PSMB2: variants seen among roughly 807,000 people sequenced by gnomAD.
PSMB2 encodes proteasome 20S subunit beta 2.
In PSMB2, 13 loss-of-function variants were observed where a neutral mutation model predicts 25.7. That is an observed-to-expected ratio of 0.51 (90% CI 0.33 to 0.80). The LOEUF is 0.80. PSMB2 is among the 30% of genes least tolerant of loss of function. PSMB2 has a pLI of 0.02. For missense variants in PSMB2, 202 were observed against 259.0 expected (o/e 0.78, Z 1.51); for synonymous variants, 87 against 96.2 (o/e 0.90, Z 0.56).
intron 3 of PSMB2, among the ~76,000 whole-genome samples, chr1:35,612,037 C>T (rs1489988798): frequency 6.6e-6 from 1 of 151,822 alleles, no homozygotes; most frequent in African/African-American, 2.4e-5. Flanking sequence ...GGGTTCCTAA[C>T]ATCGCCTGGA....
Position 35,641,475 on chromosome 1 carries a change from A to G in PSMB2, c.-43T>C, listed in dbSNP as rs756841240. 1 of 1,612,764 alleles carries G rather than the reference A, an allele frequency of 6.2e-7. No individual in the cohort carries two copies. The highest frequency in any genetic ancestry group is 1.7e-5 in the Admixed American group (1 of 59,890). ...GGCTGCAGGTCCGACACAGCACGAGACTCGCCCGCTTCCAGGTCTCACCGG... is the reference window on the plus strand; with the variant it reads ...GGCTGCAGGTCCGACACAGCACGAGGCTCGCCCGCTTCCAGGTCTCACCGG... On this transcript the variant is annotated 5_prime_UTR_variant, in exon 1 of 6. Coordinates refer to ENST00000373237, the MANE Select transcript of PSMB2 (RefSeq NM_002794.5).
intron 3 of PSMB2, among the ~76,000 whole-genome samples, chr1:35,624,798 C>T (rs917237691): frequency 3.3e-5 from 5 of 151,934 alleles, no homozygotes; most frequent in Admixed American, 2.0e-4. Context: ...CACGGTGGCT[C>T]ACGCCTGTAA....
Position 35,617,227 on chromosome 1 carries a change from T to C in PSMB2, c.286-7819A>G, listed in dbSNP as rs1016549185. Among the ~76,000 whole-genome samples the C allele has an allele frequency of 2.6e-5, 4 of 152,176 alleles. No homozygotes were observed. In the East Asian group the frequency reaches 7.7e-4, roughly 29 times the overall value. ...CCACGCCAGGCTAATTTTGTATTTT[T>C]AGTAGAGACAGGGTTTCACCGTGTT... On this transcript the variant is annotated intron_variant, in intron 3 of 5. Transcript: ENST00000373237.
At chr1:35,610,662 A>G (rs11589428) in intron 3 of PSMB2, among the ~76,000 whole-genome samples, 5,596 of 151,834 alleles carry the variant, frequency 0.037, 148 homozygotes, top group Middle Eastern at 0.065. Context: ...CACCCGGCTA[A>G]TTTTCGTATT....
At position 35,600,353 on chromosome 1, in the gene PSMB2, T is replaced by C. The variant is rs191970056; in HGVS notation, c.*2914A>G. On this transcript the variant is annotated 3_prime_UTR_variant, in exon 6 of 6. Coordinates refer to ENST00000373237, the MANE Select transcript of PSMB2 (RefSeq NM_002794.5). ...CTGAATAAAGCCTGGAGCTTAGTAA[T>C]ACTAATACACCAACCAATGTTGGTT... 2.4e-6 allele frequency: 2 copies of C among 850,534 alleles called. No individual in the cohort carries two copies. The highest frequency in any genetic ancestry group is 6.2e-5 in the Admixed American group (1 of 16,116). The allele number at this position is 850,534 out of a possible 1,614,324, so 52.7% of individuals were successfully genotyped here.
intron 3 of PSMB2, among the ~76,000 whole-genome samples, chr1:35,611,849 G>T (rs967758463): frequency 1.3e-5 from 2 of 151,662 alleles, no homozygotes; most frequent in Non-Finnish European, 2.9e-5. Context: ...GAGAGAGAGA[G>T]AGAGAGAGAT....
chr1:35,634,085 G>A (rs947404101), intron 2 of PSMB2, among the ~76,000 whole-genome samples: 1 of 152,142 alleles, frequency 6.6e-6, no homozygotes, highest in African/African-American at 2.4e-5. Flanking sequence ...GTGGATAAGA[G>A]TTCATTAGCC....
Position 35,625,990 on chromosome 1 carries a change from C to T in PSMB2, c.285+5284G>A, listed in dbSNP as rs557816878. The stretch of plus-strand genomic sequence containing the variant: ...TAACTGGGATTACAGGTGTGTGCCA[C>T]CACATCTGGCTAATTTTTTGTATTT... On this transcript the variant is annotated intron_variant, in intron 3 of 5. Coordinates refer to ENST00000373237, the MANE Select transcript of PSMB2 (RefSeq NM_002794.5). 1.3e-4 allele frequency among the ~76,000 whole-genome samples: 19 copies of T among 151,994 alleles called. 1 individual carries two copies. In the East Asian group the frequency reaches 3.0e-3, roughly 24 times the overall value.
At chr1:35,609,475 TGA>T (rs1434432224) in intron 3 of PSMB2, 67 bp from the exon 4 acceptor site, 1 of 1,301,814 alleles carries the variant, frequency 7.7e-7, no homozygotes, top group Non-Finnish European at 1.0e-6. Context: ...CCATGGCAAA[TGA>T]GAATATTCTG....
chr1:35,615,552 T>C (rs1406676239), intron 3 of PSMB2, among the ~76,000 whole-genome samples: 2 of 152,152 alleles, frequency 1.3e-5, no homozygotes, highest in African/African-American at 4.8e-5. Flanking sequence ...ATAAATACAC[T>C]GAAACAACAA....
intron 3 of PSMB2, among the ~76,000 whole-genome samples, chr1:35,612,085 T>C (rs572043387): frequency 6.6e-6 from 1 of 152,322 alleles, no homozygotes; most frequent in South Asian, 2.1e-4. Flanking sequence ...TAAGTTTCTG[T>C]TTTAGTGATA....
intron 3 of PSMB2, among the ~76,000 whole-genome samples, chr1:35,630,458 TG>T (rs1429231348): frequency 1.3e-5 from 2 of 152,212 alleles, no homozygotes; most frequent in Non-Finnish European, 2.9e-5. Context: ...AGTAGGTGAA[TG>T]GATAAATAAC....
chr1:35,623,889 T>G (rs1650771064), intron 3 of PSMB2, among the ~76,000 whole-genome samples: 1 of 152,154 alleles, frequency 6.6e-6, no homozygotes, highest in Admixed American at 6.5e-5. Context: ...AAAGTCAGGG[T>G]TTCACCTGGG....
chr1:35,632,831 C>A (rs1453886085), intron 2 of PSMB2, among the ~76,000 whole-genome samples: 1 of 151,922 alleles, frequency 6.6e-6, no homozygotes, highest in Non-Finnish European at 1.5e-5. Flanking sequence ...GAATTCGAGG[C>A]TGCAATGAGC....
intron 3 of PSMB2, among the ~76,000 whole-genome samples, chr1:35,613,377 G>GA (rs749433885): frequency 0.019 from 2,682 of 139,918 alleles, 59 homozygotes; most frequent in African/African-American, 0.061. Context: ...GTCTCTATGG[G>GA]AAAAAAAAAA....
At chr1:35,630,423 C>G (rs1052664904) in intron 3 of PSMB2, among the ~76,000 whole-genome samples, 2 of 152,160 alleles carry the variant, frequency 1.3e-5, no homozygotes, top group Non-Finnish European at 2.9e-5. Flanking sequence ...ATTGCCAAAA[C>G]TTGGAAGCAA....
intron 2 of PSMB2, 104 bp from the exon 3 acceptor site, chr1:35,631,448 A>G: frequency 6.4e-7 from 1 of 1,553,686 alleles, no homozygotes; most frequent in Non-Finnish European, 8.7e-7. Context: ...TCTTTTGTAC[A>G]CTCAGAGTAA....
chr1:35,616,897 T>G (rs1346068318), intron 3 of PSMB2, among the ~76,000 whole-genome samples: 1 of 152,202 alleles, frequency 6.6e-6, no homozygotes, highest in Non-Finnish European at 1.5e-5. Flanking sequence ...ATATGTGAAT[T>G]GGAATCCACT....
rs754818837 is a variant in PSMB2, at chr1:35,605,267, C to T, written c.464G>A (p.Arg155Lys). 6.2e-7 allele frequency: 1 copy of T among 1,613,198 alleles called. No individual in the cohort carries two copies. The highest frequency in any genetic ancestry group is 8.5e-7 in the Non-Finnish European group (1 of 1,179,584). ...RYYTPTISRE[R>K]AVELLRKCLE... ...ACATTTCCTAAGGAGTTCCACTGCC[C>T]TCTCACGTGAGATAGCTGAAAGAGA... Residue 155 changes from arginine (R) to lysine (K), a missense_variant, in exon 5 of 6, where the codon AGG becomes AAG. Transcript: ENST00000373237.
Sources: allele counts gnomAD v4.1 joint callset (sites outside exome capture counted in the v4.1 genomes callset), GRCh38; gene constraint gnomAD v4.1.1; transcripts MANE v1.5; gene names NCBI Gene and HGNC (gene_info 2026-07-23, HGNC 2026-07-21).